The following CTNND2 variants were observed in gnomAD, a reference collection of about 807,000 sequenced individuals.
CTNND2 encodes catenin delta 2, also known as catenin delta-2.
Under a neutral mutation model 144.4 loss-of-function variants are expected in CTNND2, and 22 were observed. That is an observed-to-expected ratio of 0.15 (90% CI 0.11 to 0.22). The LOEUF (loss-of-function observed/expected upper bound fraction) is 0.22. Ranked by LOEUF, CTNND2 falls within the 10% of genes least tolerant of loss-of-function variation. The pLI is 1.00. For missense variants in CTNND2, 1,353 were observed against 1,618.8 expected (o/e 0.84, Z 2.82); for synonymous variants, 751 against 695.6 (o/e 1.08, Z -1.25).
chr5:11,621,517 C>A (rs1020832265), intron 2 of CTNND2, among the ~76,000 whole-genome samples: 1 of 151,906 alleles, frequency 6.6e-6, no homozygotes, highest in Non-Finnish European at 1.5e-5. Context: ...GAGAAAAAAT[C>A]GTGTAAATGG....
At chr5:11,113,010 G>A (rs1301734858) in intron 13 of CTNND2, among the ~76,000 whole-genome samples, 3 of 151,998 alleles carry the variant, frequency 2.0e-5, no homozygotes, top group Non-Finnish European at 2.9e-5. Context: ...GCATGGTGGC[G>A]GGCACCTGTA....
intron 2 of CTNND2, among the ~76,000 whole-genome samples, chr5:11,643,604 T>C (rs1273612487): frequency 6.6e-6 from 1 of 151,990 alleles, no homozygotes; most frequent in African/African-American, 2.4e-5. Flanking sequence ...CATGGTGTAT[T>C]ATGTGCCACA....
chr5:11,173,385 G>A (rs76610476), intron 11 of CTNND2, among the ~76,000 whole-genome samples: 468 of 152,326 alleles, frequency 3.1e-3, no homozygotes, highest in Admixed American at 8.2e-3. Context: ...TCCCGCTGCT[G>A]ACCACCCTCT....
intron 1 of CTNND2, among the ~76,000 whole-genome samples, chr5:11,838,204 A>G (rs965707734): frequency 2.0e-5 from 3 of 152,188 alleles, no homozygotes; most frequent in African/African-American, 7.2e-5. Flanking sequence ...GGAATTTCCT[A>G]ATTCTCCACA....
intron 10 of CTNND2, among the ~76,000 whole-genome samples, chr5:11,209,765 A>G (rs552680675): frequency 6.8e-4 from 103 of 152,216 alleles, no homozygotes; most frequent in African/African-American, 2.4e-3. Context: ...TACTAAAAAT[A>G]CAAAAAATTA....
intron 3 of CTNND2, 23 bp downstream of exon 3, chr5:11,564,921 A>G: frequency 3.2e-6 from 5 of 1,540,974 alleles, no homozygotes; most frequent in Non-Finnish European, 4.5e-6. Flanking sequence ...AAGCACAGAC[A>G]ATGAACAGAG....
intron 3 of CTNND2, among the ~76,000 whole-genome samples, chr5:11,423,889 T>A (rs998138656): frequency 1.6e-4 from 25 of 152,014 alleles, no homozygotes; most frequent in African/African-American, 4.6e-4. Context: ...AAGAAAAAAT[T>A]TTTTTTTTGC....
At chr5:11,160,268 C>T (rs1441936796) in intron 11 of CTNND2, among the ~76,000 whole-genome samples, 3 of 152,202 alleles carry the variant, frequency 2.0e-5, no homozygotes, top group Non-Finnish European at 4.4e-5. Flanking sequence ...ACAACTGGCT[C>T]AACAAGCAAT....
chr5:11,774,926 G>T lies in CTNND2; in HGVS notation c.38-42654C>A, dbSNP rs541027161. Among the ~76,000 whole-genome samples, 14 of 152,228 alleles carry T rather than the reference G, an allele frequency of 9.2e-5. No homozygotes were observed. In the South Asian group the frequency reaches 1.7e-3, roughly 18 times the overall value. ...AACTACATACAACACCGTTCAGCTGGAAGTGCAGTCACCAGCTTCTCACTT... is the reference window on the plus strand; with the variant it reads ...AACTACATACAACACCGTTCAGCTGTAAGTGCAGTCACCAGCTTCTCACTT... On this transcript the variant is annotated intron_variant, in intron 1 of 21. Transcript: ENST00000304623.
At chr5:11,164,132 A>C (rs1759065175) in intron 11 of CTNND2, among the ~76,000 whole-genome samples, 1 of 151,514 alleles carries the variant, frequency 6.6e-6, no homozygotes, top group African/African-American at 2.4e-5. Flanking sequence ...TCCTTCCTGG[A>C]CTCTGACCCT....
At chr5:11,660,361 G>A (rs974395608) in intron 2 of CTNND2, among the ~76,000 whole-genome samples, 3 of 152,150 alleles carry the variant, frequency 2.0e-5, no homozygotes, top group African/African-American at 4.8e-5. Flanking sequence ...CTGATTTAAG[G>A]AGAAAGAGAA....
At chr5:11,830,961 T>A (rs1037056209) in intron 1 of CTNND2, among the ~76,000 whole-genome samples, 22 of 152,274 alleles carry the variant, frequency 1.4e-4, no homozygotes, top group African/African-American at 5.3e-4. Context: ...AAGCATGAAA[T>A]ATATAGGGTT....
intron 9 of CTNND2, among the ~76,000 whole-genome samples, chr5:11,294,694 A>G (rs1748714725): frequency 6.6e-6 from 1 of 152,188 alleles, no homozygotes; most frequent in Admixed American, 6.5e-5. Flanking sequence ...AAATCAATAA[A>G]CGTAATCCAG....
chr5:11,150,616 TC>T (rs141456526), intron 12 of CTNND2, among the ~76,000 whole-genome samples: 4 of 119,614 alleles, frequency 3.3e-5, no homozygotes, highest in South Asian at 2.9e-4. Context: ...ACTGCTGCCT[TC>T]TTTTTTTTTT....
intron 2 of CTNND2, among the ~76,000 whole-genome samples, chr5:11,588,022 G>A (rs1455594262): frequency 1.3e-5 from 2 of 152,040 alleles, no homozygotes; most frequent in East Asian, 1.9e-4. Context: ...AAGCAATCTT[G>A]AAACACTTGG....
At chr5:11,130,460 A>G (rs1755477366) in intron 12 of CTNND2, among the ~76,000 whole-genome samples, 1 of 152,186 alleles carries the variant, frequency 6.6e-6, no homozygotes, top group South Asian at 2.1e-4. Context: ...CTTGCTGTCA[A>G]GTACTACCTA....
chr5:11,600,292 T>TA (rs890009895), intron 2 of CTNND2, among the ~76,000 whole-genome samples: 1 of 152,054 alleles, frequency 6.6e-6, no homozygotes. Flanking sequence ...ACACTAAAAC[T>TA]AAAAAAACAA....
intron 1 of CTNND2, among the ~76,000 whole-genome samples, chr5:11,878,199 T>C (rs1172381793): frequency 6.6e-6 from 1 of 152,198 alleles, no homozygotes; most frequent in Non-Finnish European, 1.5e-5. Context: ...TGAAAAACTA[T>C]AGCGGTATAT....
chr5:11,626,012 C>A (rs1001396068), intron 2 of CTNND2, among the ~76,000 whole-genome samples: 3 of 152,076 alleles, frequency 2.0e-5, no homozygotes, highest in Admixed American at 2.0e-4. Flanking sequence ...TTTCTGCTGA[C>A]AAGTATAGAA....
Sources: gnomAD v4.1 joint callset for allele counts (sites outside exome capture counted in the v4.1 genomes callset) on GRCh38, gnomAD v4.1.1 for gene constraint, MANE v1.5 for transcripts, NCBI Gene and HGNC (gene_info 2026-07-23, HGNC 2026-07-21) for gene names.